Variants in EHMT1 observed in about 807,000 individuals in gnomAD.
EHMT1 encodes histone-lysine N-methyltransferase EHMT1.
A neutral mutation model predicts 147.2 loss-of-function variants in EHMT1; 15 were observed. The observed-to-expected ratio is 0.10, with a 90% confidence interval of 0.07 to 0.16. The LOEUF is 0.16. EHMT1 is among the 10% of genes least tolerant of loss of function. The probability of loss-of-function intolerance (pLI) is 1.00; values close to 1 mark genes in which losing one functional copy is unlikely to be tolerated. For missense variants in EHMT1, 1,587 were observed against 1,772.4 expected (o/e 0.90, Z 1.88); for synonymous variants, 795 against 709.6 (o/e 1.12, Z -1.91).
At chr9:137,801,413 C>T (rs868239216) in intron 18 of EHMT1, among the ~76,000 whole-genome samples, 1 of 152,230 alleles carries the variant, frequency 6.6e-6, no homozygotes, top group Admixed American at 6.5e-5. Flanking sequence ...CCTCTGCCTC[C>T]TGGGTTCAAG....
At chr9:137,807,419 A>G (rs1954037252) in intron 18 of EHMT1, among the ~76,000 whole-genome samples, 1 of 152,074 alleles carries the variant, frequency 6.6e-6, no homozygotes, top group South Asian at 2.1e-4. Flanking sequence ...ACATTTCCTA[A>G]CATGTTTCTA....
At chr9:137,834,671 G>A in intron 26 of EHMT1, 102 bp from the exon 27 acceptor site, 2 of 1,598,738 alleles carry the variant, frequency 1.3e-6, no homozygotes, top group Middle Eastern at 1.9e-4. Context: ...ATGCGGCACG[G>A]CAGATCGGGG....
chr9:137,829,819 TCA>T (rs1956070142), intron 25 of EHMT1, among the ~76,000 whole-genome samples: 1 of 152,246 alleles, frequency 6.6e-6, no homozygotes, highest in Non-Finnish European at 1.5e-5. Context: ...TTGGCGACAC[TCA>T]CACCGGGGCT....
intron 16 of EHMT1, among the ~76,000 whole-genome samples, chr9:137,794,728 T>G (rs1952772329): frequency 6.6e-6 from 1 of 151,672 alleles, no homozygotes; most frequent in Non-Finnish European, 1.5e-5. Context: ...TACTGACTTC[T>G]CATTTGAAAC....
Position 137,762,699 on chromosome 9 carries a change from T to C in EHMT1, c.1526T>C (p.Leu509Pro). The change falls in exon 10 of 27, where the codon CTG becomes CCG. Residue 509 changes from leucine (L) to proline (P), a missense_variant. Physicochemically the swap from Leu to Pro is moderately conservative, Grantham distance 98 (BLOSUM62 -3). Around this residue, in one of 7 missense-constraint regions of EHMT1, gnomAD observed 810 missense variants for 673.0 expected, o/e 1.20. Transcript: ENST00000460843. ...AEGLANGPDV[L>P]ETDGLQEVPL... ...GGGTTGGCCAACGGTCCAGATGTGC[T>C]GGAGACAGACGGCCTCCAGGAAGTG... The C allele has an allele frequency of 6.2e-7, 1 of 1,614,226 alleles. No homozygotes were observed. Among genetic ancestry groups the C allele is most frequent in the Non-Finnish European group, 8.5e-7 (1 of 1,180,036 alleles).
intron 4 of EHMT1, among the ~76,000 whole-genome samples, chr9:137,739,296 C>T (rs1209022218): frequency 6.7e-6 from 1 of 149,870 alleles, no homozygotes; most frequent in Non-Finnish European, 1.5e-5. Flanking sequence ...GCGGAGCTTG[C>T]AGTGAGCGGA....
chr9:137,755,394 G>C (rs554973158), intron 8 of EHMT1, among the ~76,000 whole-genome samples: 1 of 152,184 alleles, frequency 6.6e-6, no homozygotes, highest in Non-Finnish European at 1.5e-5. Flanking sequence ...CCAGGCTGTC[G>C]AATGGCCAGG....
At chr9:137,753,747 C>G (rs1458867721) in intron 7 of EHMT1, among the ~76,000 whole-genome samples, 1 of 152,212 alleles carries the variant, frequency 6.6e-6, no homozygotes, top group Non-Finnish European at 1.5e-5. Flanking sequence ...ATTACAGCCT[C>G]TGTCCTTGTT....
intron 19 of EHMT1, among the ~76,000 whole-genome samples, chr9:137,812,688 CCTT>C (rs1954592386): frequency 6.6e-6 from 1 of 152,250 alleles, no homozygotes; most frequent in South Asian, 2.1e-4. Flanking sequence ...TCCTTGCTTC[CCTT>C]CTTATCCTTG....
intron 15 of EHMT1, among the ~76,000 whole-genome samples, chr9:137,783,255 TCTCATAACTCAGGTGTGGAA>T (rs1031777129): frequency 3.3e-5 from 5 of 152,228 alleles, no homozygotes; most frequent in African/African-American, 1.2e-4. Flanking sequence ...GTCCTGGGAC[TCTCATAACTCAGGTGTGGAA>T]CCTTCCAGAC....
intron 6 of EHMT1, 81 bp from the exon 7 acceptor site, chr9:137,752,250 G>T: frequency 6.6e-7 from 1 of 1,515,492 alleles, no homozygotes; most frequent in Non-Finnish European, 9.1e-7. Flanking sequence ...GGTTTGCTTT[G>T]GATCCGTCAT....
chr9:137,707,567 A>G (rs1944370747), intron 1 of EHMT1, among the ~76,000 whole-genome samples: 1 of 152,250 alleles, frequency 6.6e-6, no homozygotes, highest in Non-Finnish European at 1.5e-5. Context: ...GAGGCCTGGC[A>G]TGTTGGTCAG....
At chr9:137,630,981 C>T (rs1320716375) in intron 1 of EHMT1, among the ~76,000 whole-genome samples, 2 of 152,016 alleles carry the variant, frequency 1.3e-5, no homozygotes, top group South Asian at 4.1e-4. Context: ...GTGTGGAGAG[C>T]GGAAGTAGGG....
chr9:137,731,219 T>C lies in EHMT1; in HGVS notation c.823+2690T>C, dbSNP rs1376229434. ...CCATCAGCGTGTTAGCCTAGGACAG[T>C]GTGTAAAATGGCCTTGAGCACTGGA... On this transcript the variant is annotated intron_variant, in intron 4 of 26. Coordinates refer to ENST00000460843, the MANE Select transcript of EHMT1 (RefSeq NM_024757.5). This position sits in a 1 kb window ranked among gnomAD's most constrained non-coding sequence, Gnocchi z 4.3. 6.6e-6 allele frequency among the ~76,000 whole-genome samples: 1 copy of C among 152,086 alleles called. No homozygotes were observed. Among genetic ancestry groups the C allele is most frequent in the Non-Finnish European group, 1.5e-5 (1 of 68,018 alleles).
At chr9:137,833,666 G>A (rs963183888) in intron 25 of EHMT1, among the ~76,000 whole-genome samples, 1 of 152,238 alleles carries the variant, frequency 6.6e-6, no homozygotes, top group East Asian at 1.9e-4. Context: ...CAGTGCCAGG[G>A]GCCAGGGCCC....
chr9:137,669,348 A>AACTCCACCCAAGACGCCC (rs1564562487), intron 1 of EHMT1, among the ~76,000 whole-genome samples: 1 of 7,098 alleles, frequency 1.4e-4, no homozygotes, highest in Non-Finnish European at 2.9e-4. Context: ...ACCCCACACC[A>AACTCCACCCAAGACGCCC]CCCAAGACGC....
intron 10 of EHMT1, among the ~76,000 whole-genome samples, chr9:137,772,112 T>A (rs768597978): frequency 6.6e-6 from 1 of 152,128 alleles, no homozygotes; most frequent in Non-Finnish European, 1.5e-5. Context: ...ATAATGGTTC[T>A]AAGGTTATAT....
Position 137,717,136 on chromosome 9 carries a change from A to G in EHMT1, c.596A>G (p.Lys199Arg), listed in dbSNP as rs553376740. 49 of 1,612,568 alleles carry G rather than the reference A, an allele frequency of 3.0e-5. No individual in the cohort carries two copies. The highest frequency in any genetic ancestry group is 2.2e-4 in the South Asian group (20 of 91,086). Reference sequence around the variant, plus strand: ...CTCCCGGCCCCTGGCGCCGACGTCAAGGTCCACAGGGCACGCAAGACCATG... The same window carrying G: ...CTCCCGGCCCCTGGCGCCGACGTCAGGGTCCACAGGGCACGCAAGACCATG... ...RKLPAPGADV[K>R]VHRARKTMPK... Residue 199 changes from lysine (K) to arginine (R), a missense_variant, in exon 3 of 27, where the codon AAG (lysine) becomes AGG (arginine). By Grantham distance (26) the Lys-to-Arg change is conservative (BLOSUM62 2). Coordinates refer to ENST00000460843, the MANE Select transcript of EHMT1 (RefSeq NM_024757.5).
At chr9:137,646,670 C>T (rs564435585) in intron 1 of EHMT1, among the ~76,000 whole-genome samples, 19 of 152,288 alleles carry the variant, frequency 1.2e-4, no homozygotes, top group African/African-American at 4.3e-4. Flanking sequence ...TCGCAAGGCA[C>T]GTGTGTTGTC....
Sources: gnomAD v4.1 joint callset for allele counts (sites outside exome capture counted in the v4.1 genomes callset) on GRCh38, gnomAD v4.1.1 for gene constraint, gnomAD v4.1.1 regional missense constraint, Gnocchi (gnomAD v3.1) non-coding constraint, MANE v1.5 for transcripts, NCBI Gene and HGNC (gene_info 2026-07-23, HGNC 2026-07-21) for gene names.